Variants in RASEF observed in about 807,000 individuals in gnomAD.
RASEF encodes ras and EF-hand domain-containing protein.
A neutral mutation model predicts 90.1 loss-of-function variants in RASEF; 68 were observed. That is an observed-to-expected ratio of 0.75 (90% confidence interval 0.62 to 0.92). The LOEUF (loss-of-function observed/expected upper bound fraction) is 0.92, where lower values mean the gene tolerates loss of function less well. RASEF is among the 40% of genes least tolerant of loss of function. RASEF has a pLI of 0.00. For missense variants in RASEF, 949 were observed against 937.2 expected (o/e 1.01, Z -0.16); for synonymous variants, 331 against 345.2 (o/e 0.96, Z 0.46).
the RASEF span, among the ~76,000 whole-genome samples, chr9:83,134,553 G>A: frequency 6.6e-6 from 1 of 151,818 alleles, no homozygotes; most frequent in Admixed American, 6.6e-5. Context: ...CCCACAGATT[G>A]GAGCTCATAG....
chr9:82,980,815 A>G lies in RASEF; in HGVS notation c.*1862T>C, dbSNP rs1828584089. 6.6e-6 allele frequency: 1 copy of G among 152,220 alleles called. No homozygotes were observed. Among genetic ancestry groups the G allele is most frequent in the Admixed American group, 6.5e-5 (1 of 15,282 alleles). The allele number at this position is 152,220 out of a possible 1,614,324, so 9.4% of individuals were successfully genotyped here. Reference sequence around the variant, plus strand: ...TCCCATATGCAAGACATTCTTTATGATCAGAAATGTAATCTTTTCTTTTTC... The same window carrying G: ...TCCCATATGCAAGACATTCTTTATGGTCAGAAATGTAATCTTTTCTTTTTC... On this transcript the variant is annotated 3_prime_UTR_variant, in exon 17 of 17. Coordinates refer to ENST00000376447, the MANE Select transcript of RASEF (RefSeq NM_152573.4).
At chr9:83,156,472 T>C in the RASEF span, among the ~76,000 whole-genome samples, 1 of 152,172 alleles carries the variant, frequency 6.6e-6, no homozygotes, top group Non-Finnish European at 1.5e-5. Context: ...AGGGCATAGA[T>C]CTTCAACCCC....
chr9:82,995,425 C>T (rs976154344), intron 14 of RASEF, among the ~76,000 whole-genome samples: 2 of 152,148 alleles, frequency 1.3e-5, no homozygotes, highest in African/African-American at 2.4e-5. Flanking sequence ...CATTGCTCCT[C>T]TATGCACTAA....
At position 83,035,679 on chromosome 9, in the gene RASEF, A is replaced by G. The variant is rs1829727974; in HGVS notation, c.432-9758T>C. On this transcript the variant is annotated intron_variant, in intron 1 of 16. Transcript: ENST00000376447. Reference sequence around the variant, plus strand: ...GTGAAGTTAAATGTAGGCATAATCTAGTAGTGTTAGCGCAAGTAGGTATAT... The same window carrying G: ...GTGAAGTTAAATGTAGGCATAATCTGGTAGTGTTAGCGCAAGTAGGTATAT... Among the ~76,000 whole-genome samples the G allele has an allele frequency of 3.3e-5, 5 of 152,170 alleles. No homozygotes were observed. In the South Asian group the frequency reaches 1.0e-3, roughly 32 times the overall value.
rs762322203 is a variant in RASEF, at chr9:83,004,522, G to T, written c.1178C>A (p.Ser393Tyr). ...SRSSPKFIGH[S>Y]PQPLGYDRSS... ...CCTGTCATAGCCTAGAGGTTGAGGG[G>T]AATGACCAATGAATTTGGGACTGCT... Residue 393 changes from serine to tyrosine, a missense_variant, in exon 9 of 17, where the codon TCC (serine) becomes TAC (tyrosine). By Grantham distance (144) the Ser-to-Tyr change is moderately radical. This residue lies in a region of RASEF where 656 missense variants were observed against 592.2 expected (regional missense o/e 1.11). Transcript: ENST00000376447. The T allele has an allele frequency of 1.3e-5, 21 of 1,602,080 alleles. No homozygotes were observed. Among genetic ancestry groups the T allele is most frequent in the Middle Eastern group, 1.7e-4 (1 of 6,056 alleles).
the RASEF span, among the ~76,000 whole-genome samples, chr9:83,131,482 A>G: frequency 2.0e-5 from 3 of 152,232 alleles, no homozygotes; most frequent in Non-Finnish European, 4.4e-5. Context: ...AAGACAGCTC[A>G]TCACACTGAA....
At chr9:83,113,537 T>C in the RASEF span, among the ~76,000 whole-genome samples, 2 of 152,210 alleles carry the variant, frequency 1.3e-5, no homozygotes, top group Admixed American at 1.3e-4. Context: ...TGCAGAAAGC[T>C]TATAAATGGA....
chr9:83,108,449 A>C, the RASEF span, among the ~76,000 whole-genome samples: 1 of 152,112 alleles, frequency 6.6e-6, no homozygotes, highest in African/African-American at 2.4e-5. Context: ...AAAGCCTCCA[A>C]TATTTACTAT....
Position 82,992,039 on chromosome 9 carries a change from T to C in RASEF, c.2040+867A>G, listed in dbSNP as rs80156239. On this transcript the variant is annotated intron_variant, in intron 15 of 16. Transcript: ENST00000376447. ...ATCTCTTCTGCATTTCATTGCCTAG[T>C]TTTGACATTTATCACATTTGGTTTG... is the stretch of plus-strand genomic sequence containing the variant. 5.8e-4 allele frequency among the ~76,000 whole-genome samples: 88 copies of C among 152,332 alleles called. No homozygotes were observed. In the East Asian group the frequency reaches 0.016, roughly 28 times the overall value.
chr9:83,069,265 A>G, the RASEF span, among the ~76,000 whole-genome samples: 6 of 152,174 alleles, frequency 3.9e-5, no homozygotes, highest in East Asian at 9.6e-4. Flanking sequence ...TTTAACTTCT[A>G]CTTAATCAAG....
At chr9:83,108,554 T>C in the RASEF span, among the ~76,000 whole-genome samples, 2 of 152,166 alleles carry the variant, frequency 1.3e-5, no homozygotes, top group African/African-American at 4.8e-5. Flanking sequence ...GAGAATCCAA[T>C]GAAGGCTAAG....
chr9:83,159,758 T>C, the RASEF span, among the ~76,000 whole-genome samples: 1 of 152,216 alleles, frequency 6.6e-6, no homozygotes, highest in African/African-American at 2.4e-5. Flanking sequence ...ATTTGCTGAA[T>C]GGCACTGATA....
intron 4 of RASEF, among the ~76,000 whole-genome samples, chr9:83,014,272 T>C (rs1829302325): frequency 6.6e-6 from 1 of 152,186 alleles, no homozygotes; most frequent in Non-Finnish European, 1.5e-5. Flanking sequence ...TAAATTGCAA[T>C]AGTGTATAAA....
the RASEF span, among the ~76,000 whole-genome samples, chr9:83,124,122 G>A: frequency 1.4e-4 from 21 of 152,246 alleles, no homozygotes; most frequent in East Asian, 2.7e-3. Context: ...GCATGTGTTC[G>A]AATTTCCGTA....
At chr9:83,106,578 C>T in the RASEF span, among the ~76,000 whole-genome samples, 5 of 152,138 alleles carry the variant, frequency 3.3e-5, no homozygotes, top group African/African-American at 9.7e-5. Context: ...AACAGCTTGA[C>T]CCTGGGCTCT....
intron 1 of RASEF, among the ~76,000 whole-genome samples, chr9:83,045,200 TACAC>T (rs1247876288): frequency 6.6e-6 from 1 of 152,224 alleles, no homozygotes; most frequent in Non-Finnish European, 1.5e-5. Context: ...TATGTACACA[TACAC>T]ACATCTTATT....
the RASEF span, among the ~76,000 whole-genome samples, chr9:83,103,752 C>T: frequency 6.6e-6 from 1 of 152,172 alleles, no homozygotes; most frequent in Non-Finnish European, 1.5e-5. Context: ...CCATCCTCTT[C>T]CTTAGACCCC....
intron 5 of RASEF, 138 bp downstream of exon 5, chr9:83,012,296 T>C: frequency 2.0e-6 from 1 of 493,978 alleles, no homozygotes; most frequent in East Asian, 3.6e-5. Flanking sequence ...GTATCTTTGA[T>C]CAAAGTTATT....
At chr9:83,093,944 CAAGT>C in the RASEF span, among the ~76,000 whole-genome samples, 29 of 152,158 alleles carry the variant, frequency 1.9e-4, no homozygotes, top group African/African-American at 7.0e-4. Context: ...GTCCCATAAT[CAAGT>C]AAGTTATAAA....
Sources: allele counts gnomAD v4.1 joint callset (sites outside exome capture counted in the v4.1 genomes callset), GRCh38; gene constraint gnomAD v4.1.1; regional missense constraint gnomAD v4.1.1; transcripts MANE v1.5; gene names NCBI Gene and HGNC (gene_info 2026-07-23, HGNC 2026-07-21).